MARCHF3: variants seen among roughly 807,000 people sequenced by gnomAD.
The protein encoded by MARCHF3 is membrane associated ring-CH-type finger 3.
In MARCHF3, 13 loss-of-function variants were observed where a neutral mutation model predicts 24.2. The observed-to-expected ratio is 0.54, with a 90% CI of 0.35 to 0.85. The LOEUF is 0.85. Ranked by LOEUF, MARCHF3 falls within the 40% of genes least tolerant of loss-of-function variation. The pLI, the probability that MARCHF3 is intolerant of heterozygous loss-of-function variation, is 0.01. For missense variants in MARCHF3, 276 were observed against 325.0 expected, an observed-to-expected ratio of 0.85 and a Z score of 1.16; for synonymous variants, 144 against 137.3, an observed-to-expected ratio of 1.05 and a Z score of -0.34.
intron 1 of MARCHF3, among the ~76,000 whole-genome samples, chr5:126,991,753 G>T (rs540946504): frequency 2.7e-5 from 4 of 149,914 alleles, no homozygotes; most frequent in African/African-American, 4.9e-5. Flanking sequence ...TGGCATGACA[G>T]CTTCTTCCAT....
intron 1 of MARCHF3, among the ~76,000 whole-genome samples, chr5:126,931,713 C>T (rs977407667): frequency 4.6e-5 from 7 of 151,976 alleles, no homozygotes; most frequent in Admixed American, 6.5e-5. Flanking sequence ...TAATCTCTAC[C>T]GCAAAGTTGT....
chr5:126,928,358 CTGTT>C (rs1480694153), intron 1 of MARCHF3, among the ~76,000 whole-genome samples: 6 of 152,222 alleles, frequency 3.9e-5, no homozygotes, highest in African/African-American at 7.2e-5. Flanking sequence ...ACACCAGAGA[CTGTT>C]TGTTTCCCAA....
chr5:126,924,237 G>A (rs1381426291), intron 1 of MARCHF3, among the ~76,000 whole-genome samples: 3 of 152,132 alleles, frequency 2.0e-5, no homozygotes, highest in Non-Finnish European at 4.4e-5. Context: ...AGAGTTCTGC[G>A]TCATTAATGC....
rs181537624 is a variant in MARCHF3, at chr5:126,995,518, A to G, written c.-57+34832T>C. 2.0e-5 allele frequency among the ~76,000 whole-genome samples: 3 copies of G among 152,348 alleles called. No individual in the cohort carries two copies. In the East Asian group the frequency reaches 5.8e-4, roughly 29 times the overall value. On this transcript the variant is annotated intron_variant, in intron 1 of 4. Transcript: ENST00000308660. ...TTTCTATGATGAAGCAAAGTAATCTATTATTCTGACTGAACATAATACAGA... is the reference window on the plus strand; with the variant it reads ...TTTCTATGATGAAGCAAAGTAATCTGTTATTCTGACTGAACATAATACAGA...
In MARCHF3 at chr5:126,915,170, G is replaced by A. The variant is rs114300594; in HGVS notation, c.189-36C>T. On this transcript the variant is annotated intron_variant, in intron 2 of 4. Transcript: ENST00000308660. ...AGGAGGGGCACCTGCTGGTCACTGG[G>A]CTGGAAACCTCCACCAAGTGGATGG... 2.1e-3 allele frequency: 3,311 copies of A among 1,601,616 alleles called. 20 individuals carry two copies. Among genetic ancestry groups the A allele is most frequent in the Middle Eastern group, 0.017 (80 of 4,582 alleles).
intron 1 of MARCHF3, among the ~76,000 whole-genome samples, chr5:126,933,303 T>C (rs909151292): frequency 6.6e-6 from 1 of 152,196 alleles, no homozygotes; most frequent in Non-Finnish European, 1.5e-5. Context: ...ATAGTGCATA[T>C]ATACACAAAC....
intron 1 of MARCHF3, among the ~76,000 whole-genome samples, chr5:126,941,782 G>A (rs932019066): frequency 2.6e-5 from 4 of 152,344 alleles, no homozygotes; most frequent in African/African-American, 9.6e-5. Flanking sequence ...CATTGCCACT[G>A]TTGTTTCCAT....
chr5:126,911,287 C>T (rs1754522949), intron 3 of MARCHF3, among the ~76,000 whole-genome samples: 2 of 152,134 alleles, frequency 1.3e-5, no homozygotes, highest in African/African-American at 2.4e-5. Flanking sequence ...TAGACTCCCT[C>T]CCCTTTTGAA....
intron 3 of MARCHF3, chr5:126,914,577 T>C (rs1279676717): frequency 3.1e-5 from 11 of 349,788 alleles, no homozygotes; most frequent in Non-Finnish European, 5.8e-5. Context: ...GTTGGGCAGA[T>C]GGTGCGCAAG....
At chr5:126,879,934 C>G (rs988061481) in intron 3 of MARCHF3, among the ~76,000 whole-genome samples, 7 of 152,136 alleles carry the variant, frequency 4.6e-5, no homozygotes, top group African/African-American at 1.7e-4. Context: ...ACACAGCTGG[C>G]TTGCCAAACA....
chr5:127,023,680 G>C (rs140502551), intron 1 of MARCHF3, among the ~76,000 whole-genome samples: 3,082 of 151,582 alleles, frequency 0.02, 75 homozygotes, highest in South Asian at 0.12. Flanking sequence ...GCAGTGAGCT[G>C]AGATTGCGCC....
At chr5:126,996,535 GA>G (rs71867473) in intron 1 of MARCHF3, among the ~76,000 whole-genome samples, 9,469 of 140,202 alleles carry the variant, frequency 0.068, 549 homozygotes, top group African/African-American at 0.16. Flanking sequence ...TGCAAGGAAG[GA>G]AAAAAAAAAA....
intron 1 of MARCHF3, among the ~76,000 whole-genome samples, chr5:126,970,625 T>G (rs1750976692): frequency 6.6e-6 from 1 of 152,188 alleles, no homozygotes; most frequent in Non-Finnish European, 1.5e-5. Context: ...GGTTGTGACT[T>G]TGACAGATTA....
At chr5:126,907,323 G>A (rs1474695915) in intron 3 of MARCHF3, among the ~76,000 whole-genome samples, 1 of 137,838 alleles carries the variant, frequency 7.3e-6, no homozygotes, top group African/African-American at 2.9e-5. Flanking sequence ...TTCTGTAGAT[G>A]TCTATTAGGT....
intron 3 of MARCHF3, among the ~76,000 whole-genome samples, chr5:126,914,241 C>T (rs916848101): frequency 6.6e-6 from 1 of 151,850 alleles, no homozygotes; most frequent in Non-Finnish European, 1.5e-5. Flanking sequence ...CCTCGGCCTC[C>T]CAAAGTGCTG....
intron 3 of MARCHF3, among the ~76,000 whole-genome samples, chr5:126,896,434 G>C (rs987819525): frequency 1.2e-4 from 18 of 152,110 alleles, no homozygotes; most frequent in African/African-American, 4.3e-4. Flanking sequence ...AAACCAGCTG[G>C]ATGAATAGAG....
At chr5:126,946,778 G>A (rs948899048) in intron 1 of MARCHF3, among the ~76,000 whole-genome samples, 3 of 150,856 alleles carry the variant, frequency 2.0e-5, no homozygotes, top group East Asian at 3.9e-4. Flanking sequence ...GTGTGTGTGT[G>A]TGTGTGTGTG....
At chr5:126,879,620 C>T (rs1191834095) in intron 3 of MARCHF3, among the ~76,000 whole-genome samples, 1 of 152,210 alleles carries the variant, frequency 6.6e-6, no homozygotes, top group Non-Finnish European at 1.5e-5. Context: ...TAATGCTTTC[C>T]AAAATCCATT....
intron 1 of MARCHF3, among the ~76,000 whole-genome samples, chr5:126,946,023 G>C (rs1485202639): frequency 6.6e-6 from 1 of 152,100 alleles, no homozygotes; most frequent in East Asian, 1.9e-4. Context: ...TCTGGGTAGT[G>C]ACCCATTCGT....
Sources: gnomAD v4.1 joint callset for allele counts (sites outside exome capture counted in the v4.1 genomes callset) on GRCh38, gnomAD v4.1.1 for gene constraint, MANE v1.5 for transcripts, NCBI Gene and HGNC (gene_info 2026-07-23, HGNC 2026-07-21) for gene names.